The following ZNF805 variants were observed in gnomAD, a reference collection of about 807,000 sequenced individuals.
The protein encoded by ZNF805 is CTC-444N24.8.
A neutral mutation model predicts 13.6 loss-of-function variants in ZNF805; 7 were observed. The observed-to-expected ratio is 0.51, with a 90% CI of 0.29 to 0.97. The LOEUF is 0.97. Among genes scored for constraint, ZNF805 ranks in the 50% least tolerant of loss-of-function variants. The pLI is 0.08. For missense variants in ZNF805, 604 were observed against 771.0 expected (o/e 0.78, Z 2.57); for synonymous variants, 293 against 279.8 (o/e 1.05, Z -0.47).
chr19:57,245,973 A>G (rs10407604), intron 2 of ZNF805, among the ~76,000 whole-genome samples: 1,802 of 152,308 alleles, frequency 0.012, 30 homozygotes, highest in African/African-American at 0.041. Flanking sequence ...GACAGACACT[A>G]CATCAGCTGG....
chr19:57,250,209 A>G (rs1046980790), intron 3 of ZNF805, among the ~76,000 whole-genome samples: 5 of 151,918 alleles, frequency 3.3e-5, no homozygotes, highest in East Asian at 1.9e-4. Context: ...TCATCCCTCT[A>G]TCACCTCCAT....
In ZNF805 at chr19:57,254,484, T is replaced by G; in HGVS notation, c.1665T>G (p.Thr555=). ...CCTTCAGTCGCAGCTCGTCCCTCAC[T>G]CAGCATCAAAGGATGCATACTGGGA... ...GKAFSRSSSL[T]QHQRMHTGRN... The change falls in exon 4 of 4, where the codon ACT becomes ACG. Residue 555 remains threonine (T), a synonymous_variant. Coordinates refer to ENST00000414468, the MANE Select transcript of ZNF805 (RefSeq NM_001023563.4). 6.2e-7 allele frequency: 1 copy of G among 1,614,200 alleles called. No homozygotes were observed. The highest frequency in any genetic ancestry group is 8.5e-7 in the Non-Finnish European group (1 of 1,180,016).
Position 57,257,729 on chromosome 19 carries a change from G to A in ZNF805, c.*3026G>A, listed in dbSNP as rs1447383544. Among the ~76,000 whole-genome samples the A allele has an allele frequency of 1.5e-5, 2 of 133,088 alleles. No homozygotes were observed. The highest frequency in any genetic ancestry group is 3.0e-5 in the African/African-American group (1 of 33,224). The allele number at this position is 133,088 out of a possible 152,430, so 87.3% of individuals were successfully genotyped here. On this transcript the variant is annotated 3_prime_UTR_variant, in exon 4 of 4. Coordinates refer to ENST00000414468, the MANE Select transcript of ZNF805 (RefSeq NM_001023563.4). ...TTTTTTTTTTTTTTTTTTTTGAGAC[G>A]GAGTTTTGTTCTTGTTGCCCAGGCT... is the stretch of plus-strand genomic sequence containing the variant.
chr19:57,245,658 A>G (rs945321158), intron 2 of ZNF805, among the ~76,000 whole-genome samples: 5 of 150,934 alleles, frequency 3.3e-5, no homozygotes, highest in South Asian at 2.1e-4. Flanking sequence ...GGGTGCCTGT[A>G]GTCCCAGCTA....
At chr19:57,245,775 T>C (rs554470269) in intron 2 of ZNF805, among the ~76,000 whole-genome samples, 1 of 148,914 alleles carries the variant, frequency 6.7e-6, no homozygotes, top group East Asian at 2.0e-4. Flanking sequence ...CGAGACTCCA[T>C]CTCAAAAAAA....
At chr19:57,242,574 A>G (rs1269843665) in intron 1 of ZNF805, among the ~76,000 whole-genome samples, 1 of 152,220 alleles carries the variant, frequency 6.6e-6, no homozygotes, top group Non-Finnish European at 1.5e-5. Flanking sequence ...CTGGTCCTGA[A>G]GCACACTGGC....
chr19:57,245,287 C>T (rs1206095035), intron 2 of ZNF805, among the ~76,000 whole-genome samples: 1 of 152,182 alleles, frequency 6.6e-6, no homozygotes, highest in Non-Finnish European at 1.5e-5. Flanking sequence ...CAGCATTTCA[C>T]ATGGCCGCCC....
intron 2 of ZNF805, among the ~76,000 whole-genome samples, chr19:57,245,656 G>A (rs1307802844): frequency 2.7e-5 from 4 of 150,814 alleles, no homozygotes; most frequent in East Asian, 2.0e-4. Flanking sequence ...GCGGGTGCCT[G>A]TAGTCCCAGC....
intron 2 of ZNF805, among the ~76,000 whole-genome samples, chr19:57,245,868 T>C (rs2087614947): frequency 6.6e-6 from 1 of 152,018 alleles, no homozygotes; most frequent in Admixed American, 6.5e-5. Flanking sequence ...ACAGATCCTT[T>C]CTCCTCCTCT....
rs4224 is a variant in ZNF805 at position 57,262,079 on chromosome 19, T to G, written c.*7376T>G. On this transcript the variant is annotated 3_prime_UTR_variant, in exon 4 of 4. Coordinates refer to ENST00000414468, the MANE Select transcript of ZNF805 (RefSeq NM_001023563.4). ...CAGGAGGTGTTCAGCGTAAGACAAT[T>G]TAGGCACACGGAGCTACTTCTCATT... 0.14 allele frequency: 22,891 copies of G among 166,402 alleles called. 2,360 individuals carry two copies. The highest frequency in any genetic ancestry group is 0.57 in the East Asian group (2,947 of 5,154). The allele number at this position is 166,402 out of a possible 1,614,324, so 10.3% of individuals were successfully genotyped here.
Position 57,253,342 on chromosome 19 carries a change from C to G in ZNF805, c.523C>G (p.Arg175Gly), listed in dbSNP as rs774920091. The G allele has an allele frequency of 1.0e-5, 16 of 1,571,932 alleles. No individual in the cohort carries two copies. Among genetic ancestry groups the G allele is most frequent in the Non-Finnish European group, 1.4e-5 (16 of 1,157,800 alleles). ...DSVCSRIIQD[R>G]VSLGDDVHDC... Reference sequence around the variant, plus strand: ...TGTGTGTTCAAGGATTATACAGGATCGAGTCTCCTTAGGAGATGATGTCCA... The same window carrying G: ...TGTGTGTTCAAGGATTATACAGGATGGAGTCTCCTTAGGAGATGATGTCCA... Residue 175 changes from arginine to glycine, a missense_variant, in exon 4 of 4, where the codon CGA (arginine) becomes GGA (glycine). Arg to Gly is a moderately radical substitution (Grantham distance 125). Transcript: ENST00000414468. The surrounding 1 kb of genome is among the most constrained non-coding windows in gnomAD (Gnocchi z 4.4).
At chr19:57,249,992 A>G (rs2087641863) in intron 3 of ZNF805, among the ~76,000 whole-genome samples, 1 of 151,898 alleles carries the variant, frequency 6.6e-6, no homozygotes, top group African/African-American at 2.4e-5. Context: ...AAAATCTCAA[A>G]AGCACAAAAC....
In ZNF805 at chr19:57,259,419, T is replaced by C. The variant is rs1362008701; in HGVS notation, c.*4716T>C. Reference sequence around the variant, plus strand: ...GCTCACTGATTCTTTTTTTCTGCCATATGCAGTCTACTGTTGAGCTTGTCC... The same window carrying C: ...GCTCACTGATTCTTTTTTTCTGCCACATGCAGTCTACTGTTGAGCTTGTCC... On this transcript the variant is annotated 3_prime_UTR_variant, in exon 4 of 4. Transcript: ENST00000414468. Among the ~76,000 whole-genome samples the C allele has an allele frequency of 6.6e-6, 1 of 152,198 alleles. No individual in the cohort carries two copies. Among genetic ancestry groups the C allele is most frequent in the African/African-American group, 2.4e-5 (1 of 41,448 alleles).
chr19:57,243,288 G>A (rs2087590712), intron 1 of ZNF805, among the ~76,000 whole-genome samples: 4 of 152,268 alleles, frequency 2.6e-5, no homozygotes, highest in Admixed American at 2.0e-4. Context: ...GTCAGTGACT[G>A]TGACATGGAG....
chr19:57,256,335 A>G lies in ZNF805; in HGVS notation c.*1632A>G, dbSNP rs1436265070. 6.6e-6 allele frequency among the ~76,000 whole-genome samples: 1 copy of G among 152,146 alleles called. No individual in the cohort carries two copies. The highest frequency in any genetic ancestry group is 2.4e-5 in the African/African-American group (1 of 41,458). ...GTTTGGTTTTGATGTCTAGATGATA[A>G]CTAACCTCCTAACATGAATTGGAAG... On this transcript the variant is annotated 3_prime_UTR_variant, in exon 4 of 4. Transcript: ENST00000414468.
chr19:57,255,262 T>C lies in ZNF805; in HGVS notation c.*559T>C, dbSNP rs891325965. ...CCCATCTGTTGGTTTACTTGATTGC[T>C]ATAGCTGTATGGTAAATCTCAAAAT... On this transcript the variant is annotated 3_prime_UTR_variant, in exon 4 of 4. Coordinates refer to ENST00000414468, the MANE Select transcript of ZNF805 (RefSeq NM_001023563.4). 3 of 167,076 alleles carry C rather than the reference T, an allele frequency of 1.8e-5. No homozygotes were observed. The highest frequency in any genetic ancestry group is 4.8e-5 in the African/African-American group (2 of 41,464). The allele number at this position is 167,076 out of a possible 1,614,324, so 10.3% of individuals were successfully genotyped here. A position where few individuals can be genotyped will look rare whatever the true frequency, so the allele number is the denominator to read the frequency against.
intron 3 of ZNF805, among the ~76,000 whole-genome samples, chr19:57,251,606 G>A (rs749977596): frequency 1.6e-4 from 24 of 150,814 alleles, no homozygotes; most frequent in Non-Finnish European, 3.2e-4. Flanking sequence ...TGTTCAATGA[G>A]TTCCTTACAT....
rs981638969 is a variant in ZNF805, at chr19:57,259,243, T to G, written c.*4540T>G. Among the ~76,000 whole-genome samples the G allele has an allele frequency of 3.3e-5, 5 of 152,294 alleles. No homozygotes were observed. The East Asian group carries it at 9.6e-4, about 29-fold the overall frequency. On this transcript the variant is annotated 3_prime_UTR_variant, in exon 4 of 4. Coordinates refer to ENST00000414468, the MANE Select transcript of ZNF805 (RefSeq NM_001023563.4). ...TTAACCATTATTTCTTGAAATATTT[T>G]TTCATCCCTACTCTTTCTCCTCTCT... is the stretch of plus-strand genomic sequence containing the variant.
In ZNF805 at chr19:57,240,643, C is replaced by T; in HGVS notation, c.-249C>T. 4 of 498,014 alleles carry T rather than the reference C, an allele frequency of 8.0e-6. No homozygotes were observed. The highest frequency in any genetic ancestry group is 1.1e-5 in the Non-Finnish European group (3 of 280,344). 30.8% of individuals were successfully genotyped at this position (498,014 alleles called of 1,614,324 possible). On this transcript the variant is annotated 5_prime_UTR_variant, in exon 1 of 4. It adds an upstream start codon to the 5' untranslated region. Transcript: ENST00000414468. ...AATTTGGGAGCGACGGTTCCGTCCA[C>T]GCCGGCTCTAGGGAGGGGGCGGTGT... is the stretch of plus-strand genomic sequence containing the variant.
Sources: gnomAD v4.1 joint callset for allele counts (sites outside exome capture counted in the v4.1 genomes callset) on GRCh38, gnomAD v4.1.1 for gene constraint, Gnocchi (gnomAD v3.1) non-coding constraint, MANE v1.5 for transcripts, NCBI Gene and HGNC (gene_info 2026-07-23, HGNC 2026-07-21) for gene names.